The following PRKAR1A variants were observed in gnomAD, a reference collection of about 807,000 sequenced individuals.
PRKAR1A encodes the protein cAMP-dependent protein kinase type I-alpha regulatory subunit.
In PRKAR1A, 3 loss-of-function variants were observed where a neutral mutation model predicts 52.0. That is an observed-to-expected ratio of 0.06 (90% confidence interval 0.03 to 0.15). PRKAR1A has a LOEUF of 0.15. Ranked by LOEUF, PRKAR1A falls within the 10% of genes least tolerant of loss-of-function variation. The pLI is 1.00. For synonymous variants in PRKAR1A, 188 were observed against 168.4 expected, an observed-to-expected ratio of 1.12 and a Z score of -0.90; for missense variants, 240 against 477.4, an observed-to-expected ratio of 0.50 and a Z score of 4.63.
chr17:68,515,337 C>T, intron 1 of PRKAR1A, 57 bp from the exon 2 acceptor site: 2 of 1,591,652 alleles, frequency 1.3e-6, no homozygotes, highest in African/African-American at 2.7e-5. Context: ...AGTTAAATGC[C>T]AGATTGACAT....
Position 68,530,915 on chromosome 17 carries a change from G to C in PRKAR1A, c.*466G>C. 1 of 1,111,242 alleles carries C rather than the reference G, an allele frequency of 9.0e-7. No individual in the cohort carries two copies. The highest frequency in any genetic ancestry group is 3.5e-5 in the South Asian group (1 of 28,276). 68.8% of individuals were successfully genotyped at this position (1,111,242 alleles called of 1,614,324 possible). A position where few individuals can be genotyped will look rare whatever the true frequency, so the allele number is the denominator to read the frequency against. On this transcript the variant is annotated 3_prime_UTR_variant, in exon 11 of 11. Transcript: ENST00000589228. ...TTAAACTCTAAAGATTAGGGAAAAT[G>C]GATATAGAAAATCTTAGTATAGTAG...
intron 11 of PRKAR1A, chr17:68,539,904 G>C (rs199705446): frequency 6.2e-7 from 1 of 1,614,156 alleles, no homozygotes; most frequent in East Asian, 2.2e-5. Context: ...TTGTCAAGGT[G>C]AATAAGGAAC....
At position 68,531,815 on chromosome 17, in the gene PRKAR1A, TTTA is replaced by T; in HGVS notation, c.*1372_*1374del. On this transcript the variant is annotated 3_prime_UTR_variant, in exon 11 of 11. Transcript: ENST00000589228. ...TTCCAATGATACCCAACAGTTTATT[TTTA>T]TTATTTTTTTAAACAAAATTTCACA... 1 of 1,034,050 alleles carries T rather than the reference TTTA, an allele frequency of 9.7e-7. No homozygotes were observed. Among genetic ancestry groups the T allele is most frequent in the Non-Finnish European group, 1.2e-6 (1 of 850,446 alleles). 64.1% of individuals were successfully genotyped at this position (1,034,050 alleles called of 1,614,324 possible). A position where few individuals can be genotyped will look rare whatever the true frequency, so the allele number is the denominator to read the frequency against.
In PRKAR1A at chr17:68,542,275, T is replaced by C. The variant is rs568633790; in HGVS notation, c.974-8809T>C. The C allele has an allele frequency of 5.9e-6, 7 of 1,189,932 alleles. No homozygotes were observed. In the South Asian group the frequency reaches 9.1e-5, roughly 16 times the overall value. The allele number at this position is 1,189,932 out of a possible 1,614,324, so 73.7% of individuals were successfully genotyped here. ...GGAAGGGAAACCCTGAACTCACAGC[T>C]CGGGAAGAGAAAGAAGAAGAAGGAA... On this transcript the variant is annotated intron_variant, in intron 11 of 11. Transcript: ENST00000585981.
chr17:68,537,242 T>C (rs748349083), downstream of PRKAR1A: 1 of 678,176 alleles, frequency 1.5e-6, no homozygotes, highest in South Asian at 1.5e-5. The surrounding 1 kb of genome is among the most constrained non-coding windows in gnomAD (Gnocchi z 4.2). Flanking sequence ...GTGGCCTTGA[T>C]GAAGCCAGTG....
At chr17:68,466,714 G>A in the PRKAR1A span, among the ~76,000 whole-genome samples, 7 of 152,024 alleles carry the variant, frequency 4.6e-5, 1 homozygote, top group South Asian at 8.3e-4. Flanking sequence ...GCCCAACCAT[G>A]TTTTCTCCTA....
the PRKAR1A span, among the ~76,000 whole-genome samples, chr17:68,458,331 A>G: frequency 6.6e-6 from 1 of 152,364 alleles, no homozygotes; most frequent in Middle Eastern, 3.4e-3. Context: ...AAATGGTAGA[A>G]TGTCTGCATG....
the PRKAR1A span, among the ~76,000 whole-genome samples, chr17:68,487,274 G>T: frequency 1.3e-5 from 2 of 152,174 alleles, no homozygotes; most frequent in Non-Finnish European, 2.9e-5. Context: ...TCAGAAAAAT[G>T]TAGATAACCA....
chr17:68,490,364 C>T, the PRKAR1A span, among the ~76,000 whole-genome samples: 807 of 152,294 alleles, frequency 5.3e-3, 14 homozygotes, highest in African/African-American at 0.019. Flanking sequence ...ATCCTTAGGG[C>T]AACATGGAGA....
At chr17:68,527,098 A>G (rs748189843) in intron 7 of PRKAR1A, among the ~76,000 whole-genome samples, 27 of 152,232 alleles carry the variant, frequency 1.8e-4, no homozygotes, top group African/African-American at 2.7e-4. Flanking sequence ...CTCATTGTCA[A>G]AGAAGGAAGA....
the PRKAR1A span, among the ~76,000 whole-genome samples, chr17:68,452,730 T>C: frequency 6.6e-6 from 1 of 152,222 alleles, no homozygotes; most frequent in African/African-American, 2.4e-5. Flanking sequence ...CAGATCTAAG[T>C]GCTTGTGGTT....
At chr17:68,535,305 C>G (rs1222743475), downstream of PRKAR1A, 3 of 453,952 alleles carry the variant, frequency 6.6e-6, no homozygotes, top group South Asian at 1.6e-5. Flanking sequence ...TACCACATAT[C>G]ATGGTGAAAT....
intron 3 of PRKAR1A, 145 bp from the exon 4 acceptor site, chr17:68,523,580 A>G (rs1426425086): frequency 8.8e-6 from 6 of 685,220 alleles, no homozygotes; most frequent in Non-Finnish European, 1.6e-5. Context: ...GATCAAAGAT[A>G]GTACAAGTGT....
At chr17:68,457,718 T>C in the PRKAR1A span, among the ~76,000 whole-genome samples, 8 of 152,080 alleles carry the variant, frequency 5.3e-5, no homozygotes, top group African/African-American at 1.9e-4. Flanking sequence ...AAGCCACGGC[T>C]GGCGGGCACC....
At chr17:68,501,267 C>T in the PRKAR1A span, among the ~76,000 whole-genome samples, 31 of 152,314 alleles carry the variant, frequency 2.0e-4, no homozygotes, top group African/African-American at 7.0e-4. Context: ...AGGTTTGCCA[C>T]CTGCTTTCTA....
At chr17:68,460,129 AT>A in the PRKAR1A span, among the ~76,000 whole-genome samples, 2 of 151,404 alleles carry the variant, frequency 1.3e-5, no homozygotes, top group Non-Finnish European at 2.9e-5. Context: ...TCAGATTTTA[AT>A]TTTTTTTTAG....
the PRKAR1A span, chr17:68,421,793 C>G: frequency 6.2e-7 from 1 of 1,614,142 alleles, no homozygotes; most frequent in Non-Finnish European, 8.5e-7. Flanking sequence ...TTCGTTTTGC[C>G]CTTCTGATTT....
At chr17:68,543,825 G>A (rs1395438466) in intron 11 of PRKAR1A, 1 of 994,212 alleles carries the variant, frequency 1.0e-6, no homozygotes. Context: ...GGGCTTTTAT[G>A]CTTTTCATGT....
Position 68,515,468 on chromosome 17 carries a change from G to A in PRKAR1A, c.69G>A (p.Gln23=), listed in dbSNP as rs773518851. The change falls in exon 2 of 11, where the codon CAG becomes CAA. Residue 23 remains glutamine, a synonymous_variant. Coordinates refer to ENST00000589228, the MANE Select transcript of PRKAR1A (RefSeq NM_002734.5). The part of the protein sequence containing the change: ...RSLRECELYV[Q]KHNIQALLKD... ...TTCGAGAATGTGAGCTCTACGTCCA[G>A]AAGCATAACATTCAAGCGCTGCTCA... The A allele has an allele frequency of 2.5e-6, 4 of 1,613,686 alleles. No individual in the cohort carries two copies. Among genetic ancestry groups the A allele is most frequent in the Non-Finnish European group, 3.4e-6 (4 of 1,180,042 alleles).
Sources: gnomAD v4.1 joint callset for allele counts (sites outside exome capture counted in the v4.1 genomes callset) on GRCh38, gnomAD v4.1.1 for gene constraint, Gnocchi (gnomAD v3.1) non-coding constraint, MANE v1.5 for transcripts, NCBI Gene and HGNC (gene_info 2026-07-23, HGNC 2026-07-21) for gene names.